The following FHIT variants were observed in gnomAD, a reference collection of about 807,000 sequenced individuals.
FHIT encodes the protein bis(5'-adenosyl)-triphosphatase.
Under a neutral mutation model 17.9 loss-of-function variants are expected in FHIT, and 19 were observed. The ratio of observed to expected loss-of-function variants is 1.06; its 90% CI spans 0.74 to 1.56. The LOEUF (loss-of-function observed/expected upper bound fraction) is 1.56. FHIT is among the 40% of genes most tolerant of loss of function. The pLI is 0.00. For missense variants in FHIT, 248 were observed against 189.2 expected, an observed-to-expected ratio of 1.31 and a Z score of -1.82; for synonymous variants, 81 against 69.7, an observed-to-expected ratio of 1.16 and a Z score of -0.81.
intron 5 of FHIT, among the ~76,000 whole-genome samples, chr3:60,297,555 G>T (rs1233404072): frequency 6.7e-6 from 1 of 148,230 alleles, no homozygotes; most frequent in Non-Finnish European, 1.5e-5. Flanking sequence ...TTCTAGGTAT[G>T]ACTTACAAGG....
At chr3:59,984,613 C>A (rs1185057988) in intron 7 of FHIT, among the ~76,000 whole-genome samples, 1 of 152,016 alleles carries the variant, frequency 6.6e-6, no homozygotes, top group African/African-American at 2.4e-5. Flanking sequence ...ATAACCTTAG[C>A]ACATATGAGA....
chr3:60,436,236 T>C (rs1467129655), intron 5 of FHIT, among the ~76,000 whole-genome samples: 1 of 151,958 alleles, frequency 6.6e-6, no homozygotes, highest in East Asian at 1.9e-4. Flanking sequence ...TTAGTAGAGA[T>C]GGGAGATTTC....
chr3:59,941,894 T>C (rs538642946), intron 7 of FHIT, among the ~76,000 whole-genome samples: 6 of 152,300 alleles, frequency 3.9e-5, no homozygotes, highest in African/African-American at 9.6e-5. Context: ...GGCAAAGCAC[T>C]GTGAACTGGA....
intron 2 of FHIT, among the ~76,000 whole-genome samples, chr3:61,119,466 A>C (rs2036393310): frequency 6.6e-6 from 1 of 152,102 alleles, no homozygotes; most frequent in African/African-American, 2.4e-5. Context: ...TGCCCACATT[A>C]GTCTCCCAAA....
At chr3:59,910,383 T>C (rs139764370) in intron 8 of FHIT, among the ~76,000 whole-genome samples, 1,530 of 152,314 alleles carry the variant, frequency 0.01, 21 homozygotes, top group Admixed American at 0.025. Flanking sequence ...TTTAATAGAA[T>C]GGGAGGCAGG....
chr3:60,595,057 C>G (rs1396194279), intron 4 of FHIT, among the ~76,000 whole-genome samples: 1 of 152,102 alleles, frequency 6.6e-6, no homozygotes, highest in East Asian at 1.9e-4. Context: ...AGGCGTCTAC[C>G]TGGCCAAGCA....
chr3:59,779,859 A>G (rs1413522350), intron 8 of FHIT, among the ~76,000 whole-genome samples: 2 of 152,220 alleles, frequency 1.3e-5, no homozygotes, highest in Non-Finnish European at 2.9e-5. Context: ...AACAAATTGT[A>G]AGGAAACTCC....
chr3:60,644,325 CAG>C (rs1422777279), intron 4 of FHIT, among the ~76,000 whole-genome samples: 9 of 151,890 alleles, frequency 5.9e-5, no homozygotes, highest in African/African-American at 1.7e-4. Context: ...TGGGAGAAAA[CAG>C]TAATACAAGC....
chr3:59,796,610 A>G (rs962366529), intron 8 of FHIT, among the ~76,000 whole-genome samples: 4 of 152,190 alleles, frequency 2.6e-5, no homozygotes, highest in Admixed American at 2.0e-4. Context: ...AGCAAATGAG[A>G]TTCATGTGTA....
chr3:60,051,848 C>T (rs569570172), intron 5 of FHIT, among the ~76,000 whole-genome samples: 1 of 151,992 alleles, frequency 6.6e-6, no homozygotes, highest in African/African-American at 2.4e-5. Context: ...AAAAATAAAA[C>T]AAACAAACAA....
intron 4 of FHIT, among the ~76,000 whole-genome samples, chr3:60,798,677 T>C (rs1553731219): frequency 6.6e-6 from 1 of 152,032 alleles, no homozygotes; most frequent in African/African-American, 2.4e-5. Flanking sequence ...GTCTAGTAAA[T>C]TCTAGTGCAC....
rs147746972 is a variant in FHIT at position 59,785,971 on chromosome 3, C to T, written c.349-33650G>A. On this transcript the variant is annotated intron_variant, in intron 8 of 9. Transcript: ENST00000492590. ...ACCCCGCTTAGAGGATCTGTCATGG[C>T]GCCTGTGAGCTCTGAGATCATGTCT... Among the ~76,000 whole-genome samples, 15 of 152,286 alleles carry T rather than the reference C, an allele frequency of 9.8e-5. No individual in the cohort carries two copies. The East Asian group carries it at 2.1e-3, about 22-fold the overall frequency.
intron 5 of FHIT, among the ~76,000 whole-genome samples, chr3:60,229,424 G>GAAAAAAAAAAAA (rs796109235): frequency 1.4e-5 from 1 of 71,082 alleles, no homozygotes. Context: ...TCATCAAAAA[G>GAAAAAAAAAAAA]AAAAAAAAAA....
chr3:60,782,235 G>GTATA (rs879948599), intron 4 of FHIT, among the ~76,000 whole-genome samples: 2,330 of 76,156 alleles, frequency 0.031, 60 homozygotes, highest in African/African-American at 0.1. Context: ...GTGTGTGTGT[G>GTATA]TGTATATATA....
chr3:60,203,908 A>G (rs1416418863), intron 5 of FHIT, among the ~76,000 whole-genome samples: 1 of 152,154 alleles, frequency 6.6e-6, no homozygotes, highest in Non-Finnish European at 1.5e-5. Flanking sequence ...TGAACTTGTG[A>G]AGACAGAGTA....
intron 5 of FHIT, among the ~76,000 whole-genome samples, chr3:60,444,957 T>C (rs1421176319): frequency 6.6e-6 from 1 of 152,062 alleles, no homozygotes; most frequent in African/African-American, 2.4e-5. Context: ...GAGGAGAAAC[T>C]GCCCAAAGAC....
intron 6 of FHIT, among the ~76,000 whole-genome samples, chr3:60,013,159 A>G (rs1700206765): frequency 6.6e-6 from 1 of 152,226 alleles, no homozygotes; most frequent in Admixed American, 6.5e-5. Flanking sequence ...TCATAACCTG[A>G]AAACACTGGC....
At chr3:60,842,647 T>TA (rs1406123749) in intron 3 of FHIT, among the ~76,000 whole-genome samples, 3,273 of 92,194 alleles carry the variant, frequency 0.036, 66 homozygotes, top group Middle Eastern at 0.068. Flanking sequence ...ATATATATAT[T>TA]TTTTTTTTTT....
At chr3:60,831,856 C>G (rs566627516) in intron 3 of FHIT, among the ~76,000 whole-genome samples, 20 of 151,964 alleles carry the variant, frequency 1.3e-4, no homozygotes, top group Admixed American at 2.0e-4. Flanking sequence ...TCAGAAACCT[C>G]CTAGGATGAT....
Sources: allele counts gnomAD v4.1 joint callset (sites outside exome capture counted in the v4.1 genomes callset), GRCh38; gene constraint gnomAD v4.1.1; transcripts MANE v1.5; gene names NCBI Gene and HGNC (gene_info 2026-07-23, HGNC 2026-07-21).